FEM1C: variants seen among roughly 807,000 people sequenced by gnomAD.
FEM1C encodes fem-1 homolog C.
Under a neutral mutation model 37.6 loss-of-function variants are expected in FEM1C, and 15 were observed. That is an observed-to-expected ratio of 0.40 (90% CI 0.27 to 0.61). FEM1C has a LOEUF of 0.61. Among genes scored for constraint, FEM1C ranks in the 20% least tolerant of loss-of-function variants. The pLI, the probability that FEM1C is intolerant of heterozygous loss-of-function variation, is 0.42. For missense variants in FEM1C, 532 were observed against 749.7 expected, an observed-to-expected ratio of 0.71 and a Z score of 3.39; for synonymous variants, 287 against 272.8, an observed-to-expected ratio of 1.05 and a Z score of -0.51.
In FEM1C at chr5:115,523,879, G is replaced by A. The variant is rs1006191663; in HGVS notation, c.*429C>T. On this transcript the variant is annotated 3_prime_UTR_variant, in exon 3 of 3. Coordinates refer to ENST00000274457, the MANE Select transcript of FEM1C (RefSeq NM_020177.3). Reference sequence around the variant, plus strand: ...TAAGGAAAAAACTGTAGTAGAAATGGTTAGGACAAACAATAAAGTAGAAAC... The same window carrying A: ...TAAGGAAAAAACTGTAGTAGAAATGATTAGGACAAACAATAAAGTAGAAAC... 8 of 176,998 alleles carry A rather than the reference G, an allele frequency of 4.5e-5. No homozygotes were observed. The highest frequency in any genetic ancestry group is 1.7e-4 in the African/African-American group (7 of 41,536). The allele number at this position is 176,998 out of a possible 1,614,324, so 11.0% of individuals were successfully genotyped here.
Position 115,541,493 on chromosome 5 carries a change from A to G in FEM1C, c.544+1457T>C, listed in dbSNP as rs142713039. 9.9e-5 allele frequency among the ~76,000 whole-genome samples: 15 copies of G among 152,282 alleles called. No individual in the cohort carries two copies. In the East Asian group the frequency reaches 2.9e-3, roughly 29 times the overall value. ...GTGGTTTAACCTTTCTGAAAGGCAG[A>G]CACTATCACAACTGCAAATGTACAT... On this transcript the variant is annotated intron_variant, in intron 2 of 2. Transcript: ENST00000274457.
intron 2 of FEM1C, among the ~76,000 whole-genome samples, chr5:115,530,947 A>C (rs1271577008): frequency 6.7e-6 from 1 of 148,730 alleles, no homozygotes; most frequent in Non-Finnish European, 1.5e-5. Context: ...GCAAACAGTA[A>C]AAAAAAAAAA....
At chr5:115,536,698 AT>A (rs1288415898) in intron 2 of FEM1C, among the ~76,000 whole-genome samples, 4 of 151,992 alleles carry the variant, frequency 2.6e-5, no homozygotes, top group Non-Finnish European at 1.5e-5. Flanking sequence ...AAAAAAGGAA[AT>A]TAAAAAAAAG....
chr5:115,542,955 A>T lies in FEM1C; in HGVS notation c.539T>A (p.Val180Asp), dbSNP rs1416582238. 1 of 1,610,116 alleles carries T rather than the reference A, an allele frequency of 6.2e-7. No individual in the cohort carries two copies. The highest frequency in any genetic ancestry group is 2.2e-5 in the East Asian group (1 of 44,844). The change falls in exon 2 of 3, where the codon GTC becomes GAC. Residue 180 changes from valine to aspartate, a missense_variant. Val to Asp is a radical substitution (Grantham distance 152). This residue lies in a region of FEM1C where 221 missense variants were observed against 404.1 expected (regional missense o/e 0.55). Transcript: ENST00000274457. ...AACAAAGAAGCTGAACTCACCTTTGACACTTTTTCTATTAACATCTGCCCC... is the reference window on the plus strand; with the variant it reads ...AACAAAGAAGCTGAACTCACCTTTGTCACTTTTTCTATTAACATCTGCCCC... The part of the protein sequence containing the change: ...EKGADVNRKS[V>D]KGNTALHDCA...
chr5:115,529,580 T>G (rs935264243), intron 2 of FEM1C, among the ~76,000 whole-genome samples: 5 of 152,066 alleles, frequency 3.3e-5, no homozygotes, highest in African/African-American at 1.2e-4. Flanking sequence ...CGTGGAAGCC[T>G]GGAGATATAG....
chr5:115,530,875 G>A (rs1048466766), intron 2 of FEM1C, among the ~76,000 whole-genome samples: 27 of 151,374 alleles, frequency 1.8e-4, no homozygotes, highest in Non-Finnish European at 3.2e-4. Context: ...TTTTTAAATA[G>A]CTAAGTTTCC....
At chr5:115,528,085 AT>A (rs1414650522) in intron 2 of FEM1C, among the ~76,000 whole-genome samples, 11 of 151,822 alleles carry the variant, frequency 7.2e-5, no homozygotes, top group African/African-American at 2.7e-4. Flanking sequence ...AAATATATTT[AT>A]TTTGAATACA....
chr5:115,539,188 C>T (rs1419598406), intron 2 of FEM1C, among the ~76,000 whole-genome samples: 1 of 152,030 alleles, frequency 6.6e-6, no homozygotes, highest in Non-Finnish European at 1.5e-5. Context: ...GAGCCAGTCT[C>T]CAAATCTGAG....
intron 2 of FEM1C, among the ~76,000 whole-genome samples, chr5:115,542,296 T>C (rs1030724616): frequency 9.9e-5 from 15 of 152,220 alleles, no homozygotes; most frequent in Admixed American, 9.2e-4. Context: ...CTGTTTAATC[T>C]AGTCCTTGTT....
chr5:115,521,047 G>C lies in FEM1C; in HGVS notation c.*3261C>G, dbSNP rs1204652867. The C allele has an allele frequency of 1.4e-5, 2 of 141,490 alleles. No homozygotes were observed. Among genetic ancestry groups the C allele is most frequent in the Admixed American group, 1.4e-4 (2 of 14,056 alleles). The allele number at this position is 141,490 out of a possible 1,614,324, so 8.8% of individuals were successfully genotyped here. On this transcript the variant is annotated 3_prime_UTR_variant, in exon 3 of 3. Transcript: ENST00000274457. The stretch of plus-strand genomic sequence containing the variant: ...ACACAATGGGAACTGACAAAAGGGA[G>C]AGAAACTAGTTGTTTAGTGACACAT...
chr5:115,538,447 C>A (rs1056550425), intron 2 of FEM1C, among the ~76,000 whole-genome samples: 1 of 152,004 alleles, frequency 6.6e-6, no homozygotes, highest in African/African-American at 2.4e-5. Context: ...ATAATCTTTC[C>A]TCTCTTAAAT....
chr5:115,543,665 T>C lies in FEM1C; in HGVS notation c.-172A>G. ...TTCCGTCCTACTGCTTTCCAACATC[T>C]GACAACCAGGGCACCAAACTAGAGA... is the stretch of plus-strand genomic sequence containing the variant. On this transcript the variant is annotated 5_prime_UTR_variant, in exon 2 of 3. Coordinates refer to ENST00000274457, the MANE Select transcript of FEM1C (RefSeq NM_020177.3). The C allele has an allele frequency of 7.3e-7, 1 of 1,362,092 alleles. No homozygotes were observed. Among genetic ancestry groups the C allele is most frequent in the Non-Finnish European group, 9.4e-7 (1 of 1,062,050 alleles). 84.4% of individuals were successfully genotyped at this position (1,362,092 alleles called of 1,614,324 possible). A position where few individuals can be genotyped will look rare whatever the true frequency, so the allele number is the denominator to read the frequency against.
chr5:115,525,059 T>G lies in FEM1C; in HGVS notation c.1103A>C (p.Gln368Pro). 2 of 1,613,788 alleles carry G rather than the reference T, an allele frequency of 1.2e-6. No individual in the cohort carries two copies. The highest frequency in any genetic ancestry group is 1.7e-6 in the Non-Finnish European group (2 of 1,179,824). ...GCTTAAAGGATCCAAATTGCTCTGC[T>G]GCATATCCAAAGCATACTTCCATAG... ...INLWKYALDM[Q>P]QSNLDPLSPM... is the part of the protein sequence containing the mutation. The change falls in exon 3 of 3, where the codon CAG (glutamine) becomes CCG (proline). Residue 368 changes from glutamine (Q) to proline (P), a missense_variant. This residue lies in a region of FEM1C where 221 missense variants were observed against 404.1 expected (regional missense o/e 0.55). Transcript: ENST00000274457.
At position 115,525,225 on chromosome 5, in the gene FEM1C, CAAT is replaced by C; in HGVS notation, c.934_936del (p.Ile312del). ...TGCATTCTCATCTCATCAGGATCAG[CAAT>C]AAGACCTTCTAGCTCTTCTGCACTG... is the stretch of plus-strand genomic sequence containing the variant. On this transcript the variant is annotated inframe_deletion, in exon 3 of 3. Coordinates refer to ENST00000274457, the MANE Select transcript of FEM1C (RefSeq NM_020177.3). 6.2e-7 allele frequency: 1 copy of C among 1,613,434 alleles called. No homozygotes were observed. The highest frequency in any genetic ancestry group is 2.2e-5 in the East Asian group (1 of 44,864).
chr5:115,540,627 A>G (rs1754220914), intron 2 of FEM1C, among the ~76,000 whole-genome samples: 1 of 152,088 alleles, frequency 6.6e-6, no homozygotes, highest in African/African-American at 2.4e-5. Flanking sequence ...CAAGTTAAAT[A>G]CTGTTCACAG....
In FEM1C at chr5:115,525,622, AAGAG is replaced by A. The variant is rs1561556313; in HGVS notation, c.545-9_545-6del. On this transcript the variant is annotated splice_polypyrimidine_tract_variant and splice_region_variant and intron_variant, in intron 2 of 2. Coordinates refer to ENST00000274457, the MANE Select transcript of FEM1C (RefSeq NM_020177.3). ...AATCATGCAATGCAGTATTACCTTA[AAGAG>A]AGAGAGAAAAAAAGAAATAACATAC... 3.1e-6 allele frequency: 5 copies of A among 1,600,550 alleles called. No individual in the cohort carries two copies. The highest frequency in any genetic ancestry group is 3.4e-6 in the Non-Finnish European group (4 of 1,173,368).
At chr5:115,527,651 G>A (rs138799892) in intron 2 of FEM1C, among the ~76,000 whole-genome samples, 1 of 152,146 alleles carries the variant, frequency 6.6e-6, no homozygotes, top group East Asian at 1.9e-4. Flanking sequence ...TGAATATAAA[G>A]AAATGGCTTA....
Position 115,524,799 on chromosome 5 carries a change from C to A in FEM1C, c.1363G>T (p.Val455Phe), listed in dbSNP as rs1169398772. The A allele has an allele frequency of 6.3e-7, 1 of 1,596,210 alleles. No homozygotes were observed. Among genetic ancestry groups the A allele is most frequent in the South Asian group, 1.1e-5 (1 of 87,616 alleles). ...ILHLICLLEK[V>F]PCTLEQDHFK... Reference sequence around the variant, plus strand: ...TGGTCTTGTTCTAGAGTACAAGGAACTTTCTCTAACAAGCAAATTAAGTGC... The same window carrying A: ...TGGTCTTGTTCTAGAGTACAAGGAAATTTCTCTAACAAGCAAATTAAGTGC... Residue 455 changes from valine (V) to phenylalanine (F), a missense_variant, in exon 3 of 3, where the codon GTT (valine) becomes TTT (phenylalanine). This residue lies in a region of FEM1C where 237 missense variants were observed against 260.5 expected (regional missense o/e 0.91). Coordinates refer to ENST00000274457, the MANE Select transcript of FEM1C (RefSeq NM_020177.3).
At chr5:115,539,804 G>A (rs986699742) in intron 2 of FEM1C, among the ~76,000 whole-genome samples, 4 of 152,000 alleles carry the variant, frequency 2.6e-5, no homozygotes, top group South Asian at 2.1e-4. Context: ...GGCACACTGC[G>A]GGACTCAACA....
Sources: gnomAD v4.1 joint callset for allele counts (sites outside exome capture counted in the v4.1 genomes callset) on GRCh38, gnomAD v4.1.1 for gene constraint, gnomAD v4.1.1 regional missense constraint, MANE v1.5 for transcripts, NCBI Gene and HGNC (gene_info 2026-07-23, HGNC 2026-07-21) for gene names.